GRM7: variants seen among roughly 807,000 people sequenced by gnomAD.
The protein encoded by GRM7 is glutamate metabotropic receptor 7.
Under a neutral mutation model 84.5 loss-of-function variants are expected in GRM7, and 35 were observed. The observed-to-expected ratio is 0.41, with a 90% confidence interval of 0.32 to 0.55. The LOEUF (loss-of-function observed/expected upper bound fraction) is 0.55, where lower values mean the gene tolerates loss of function less well. Among genes scored for constraint, GRM7 ranks in the 20% least tolerant of loss-of-function variants. The pLI is 0.19. For synonymous variants in GRM7, 487 were observed against 455.1 expected (o/e 1.07, Z -0.89); for missense variants, 1,003 against 1,194.6 (o/e 0.84, Z 2.36).
chr3:6,985,092 A>G (rs1170448393), intron 1 of GRM7, among the ~76,000 whole-genome samples: 2 of 152,010 alleles, frequency 1.3e-5, no homozygotes, highest in Non-Finnish European at 2.9e-5. Flanking sequence ...AAATTTTTGT[A>G]GGTACATAGT....
chr3:6,880,484 G>A (rs1695468189), intron 1 of GRM7, among the ~76,000 whole-genome samples: 1 of 152,076 alleles, frequency 6.6e-6, no homozygotes, highest in South Asian at 2.1e-4. Context: ...TGGAAGAAGT[G>A]GACAGAGAAT....
intron 1 of GRM7, among the ~76,000 whole-genome samples, chr3:7,004,306 A>C (rs535744566): frequency 1.3e-5 from 2 of 152,166 alleles, no homozygotes; most frequent in Non-Finnish European, 2.9e-5. Flanking sequence ...CATGTATATG[A>C]TGTATTGGGA....
At chr3:7,339,523 C>A (rs1701555498) in intron 4 of GRM7, among the ~76,000 whole-genome samples, 1 of 152,138 alleles carries the variant, frequency 6.6e-6, no homozygotes, top group Non-Finnish European at 1.5e-5. Flanking sequence ...TTGCACAGGG[C>A]ATTGACACGA....
chr3:7,572,643 C>A (rs1694729060), intron 7 of GRM7, among the ~76,000 whole-genome samples: 1 of 150,652 alleles, frequency 6.6e-6, no homozygotes, highest in African/African-American at 2.4e-5. Flanking sequence ...CACCGTGAAA[C>A]CCCATCTCTA....
At chr3:7,180,105 A>T (rs930433660) in intron 2 of GRM7, among the ~76,000 whole-genome samples, 1 of 152,174 alleles carries the variant, frequency 6.6e-6, no homozygotes, top group Non-Finnish European at 1.5e-5. Flanking sequence ...TTGAAAAGTG[A>T]TGATATAGAA....
intron 1 of GRM7, among the ~76,000 whole-genome samples, chr3:7,056,356 AG>A (rs1285022450): frequency 6.6e-6 from 1 of 151,850 alleles, no homozygotes; most frequent in Non-Finnish European, 1.5e-5. Context: ...GGTGCCTTTT[AG>A]GTTTACTTTC....
intron 1 of GRM7, among the ~76,000 whole-genome samples, chr3:7,099,767 G>A (rs1699035210): frequency 1.2e-5 from 1 of 80,374 alleles, no homozygotes; most frequent in East Asian, 3.4e-4. Flanking sequence ...ACATGTATAT[G>A]TACACGCATT....
intron 1 of GRM7, among the ~76,000 whole-genome samples, chr3:6,879,027 A>G (rs2124958554): frequency 6.6e-6 from 1 of 152,290 alleles, no homozygotes; most frequent in East Asian, 1.9e-4. Flanking sequence ...TAGGAGTGCA[A>G]AGGGCCTCTA....
At chr3:7,679,871 T>A (rs965047166) in intron 8 of GRM7, among the ~76,000 whole-genome samples, 178 bp from the exon 9 acceptor site, 3 of 152,244 alleles carry the variant, frequency 2.0e-5, no homozygotes, top group African/African-American at 7.2e-5. Flanking sequence ...AATCAATTAA[T>A]ACATGCATAT....
chr3:7,094,232 C>T (rs1350614375), intron 1 of GRM7, among the ~76,000 whole-genome samples: 1 of 151,988 alleles, frequency 6.6e-6, no homozygotes, highest in Non-Finnish European at 1.5e-5. Context: ...TGGAAAAAAA[C>T]CCACAATTTT....
intron 1 of GRM7, among the ~76,000 whole-genome samples, chr3:6,935,966 C>T (rs1485526392): frequency 6.6e-6 from 1 of 152,152 alleles, no homozygotes; most frequent in Non-Finnish European, 1.5e-5. Flanking sequence ...ACCTCGGACT[C>T]CCTGATTGCT....
At chr3:7,003,444 C>G (rs62236576) in intron 1 of GRM7, among the ~76,000 whole-genome samples, 1 of 151,608 alleles carries the variant, frequency 6.6e-6, no homozygotes, top group East Asian at 1.9e-4. Context: ...CTATAAGGAG[C>G]GCATGCAATT....
intron 4 of GRM7, among the ~76,000 whole-genome samples, chr3:7,313,473 TTG>T (rs1700477861): frequency 6.6e-6 from 1 of 152,210 alleles, no homozygotes; most frequent in Non-Finnish European, 1.5e-5. Flanking sequence ...GCTATATATT[TTG>T]TTATATGCAA....
intron 4 of GRM7, among the ~76,000 whole-genome samples, chr3:7,384,934 C>G (rs925745921): frequency 6.6e-6 from 1 of 152,178 alleles, no homozygotes; most frequent in African/African-American, 2.4e-5. Context: ...CTTACAAATA[C>G]ATTTTAAACA....
chr3:7,470,015 C>T (rs952644909), intron 7 of GRM7, among the ~76,000 whole-genome samples: 3 of 152,132 alleles, frequency 2.0e-5, no homozygotes, highest in Non-Finnish European at 4.4e-5. Context: ...TGTGTCCTTA[C>T]TCCCCATGCA....
At chr3:6,947,483 A>G (rs963903563) in intron 1 of GRM7, among the ~76,000 whole-genome samples, 1 of 152,132 alleles carries the variant, frequency 6.6e-6, no homozygotes, top group South Asian at 2.1e-4. Flanking sequence ...TTTTGCATCA[A>G]TGTTCGTCAA....
In GRM7 at chr3:6,863,117, T is replaced by C; in HGVS notation, c.519+1210T>C. 5.7e-6 allele frequency: 2 copies of C among 352,550 alleles called. No homozygotes were observed. Among genetic ancestry groups the C allele is most frequent in the South Asian group, 4.1e-5 (2 of 48,868 alleles). The allele number at this position is 352,550 out of a possible 1,614,324, so 21.8% of individuals were successfully genotyped here. A position where few individuals can be genotyped will look rare whatever the true frequency, so the allele number is the denominator to read the frequency against. The stretch of plus-strand genomic sequence containing the variant: ...ATCACTCTCTCTTTCTGTCTCTGTC[T>C]CCTTGCTGTTTTTTTTTTCTCTCTG... On this transcript the variant is annotated intron_variant, in intron 1 of 9. Transcript: ENST00000357716. This position sits in a 1 kb window ranked among gnomAD's most constrained non-coding sequence, Gnocchi z 4.8.
chr3:7,096,425 A>G (rs1354071280), intron 1 of GRM7, among the ~76,000 whole-genome samples: 1 of 152,138 alleles, frequency 6.6e-6, no homozygotes, highest in Non-Finnish European at 1.5e-5. Flanking sequence ...AACTCAAGAA[A>G]GTGCTATCCT....
At chr3:7,459,371 C>A (rs1266693195) in intron 6 of GRM7, among the ~76,000 whole-genome samples, 1 of 152,052 alleles carries the variant, frequency 6.6e-6, no homozygotes, top group Non-Finnish European at 1.5e-5. Context: ...GAGGAAGGAG[C>A]CAGTGTGCCA....
Sources: allele counts gnomAD v4.1 joint callset (sites outside exome capture counted in the v4.1 genomes callset), GRCh38; gene constraint gnomAD v4.1.1; non-coding constraint Gnocchi (gnomAD v3.1); transcripts MANE v1.5; gene names NCBI Gene and HGNC (gene_info 2026-07-23, HGNC 2026-07-21).